ZNF292: variants seen among roughly 807,000 people sequenced by gnomAD.
ZNF292 encodes 16 zinc-finger domain protein.
A neutral mutation model predicts 217.9 loss-of-function variants in ZNF292; 26 were observed. That is an observed-to-expected ratio of 0.12 (90% CI 0.09 to 0.17). The LOEUF (loss-of-function observed/expected upper bound fraction) is 0.17, where lower values mean the gene tolerates loss of function less well. ZNF292 is among the 10% of genes least tolerant of loss of function. ZNF292 has a pLI of 1.00. For synonymous variants in ZNF292, 1,257 were observed against 1,124.1 expected (o/e 1.12, Z -2.37); for missense variants, 2,904 against 3,175.2 (o/e 0.91, Z 2.05).
At chr6:87,171,761 T>G (rs1771106883) in intron 1 of ZNF292, among the ~76,000 whole-genome samples, 1 of 152,188 alleles carries the variant, frequency 6.6e-6, no homozygotes. Context: ...GGCTGTATAC[T>G]CACATGAATC....
chr6:87,174,682 G>A (rs991840590), intron 1 of ZNF292, among the ~76,000 whole-genome samples: 2 of 152,040 alleles, frequency 1.3e-5, no homozygotes, highest in African/African-American at 4.8e-5. Context: ...AATTTTTAAA[G>A]ACTTACGCTG....
intron 1 of ZNF292, chr6:87,213,581 C>G (rs1772597481): frequency 6.5e-6 from 1 of 152,752 alleles, no homozygotes; most frequent in South Asian, 2.1e-4. Context: ...TGGTTAGAAA[C>G]AGGTAACTAA....
intron 1 of ZNF292, among the ~76,000 whole-genome samples, chr6:87,181,205 C>T (rs1771462691): frequency 6.6e-6 from 1 of 152,134 alleles, no homozygotes; most frequent in Non-Finnish European, 1.5e-5. Flanking sequence ...TCCCTAGCGT[C>T]CCGGATCACA....
intron 6 of ZNF292, 144 bp downstream of exon 6, chr6:87,243,755 C>A: frequency 1.3e-6 from 1 of 782,136 alleles, no homozygotes; most frequent in Non-Finnish European, 1.8e-6. Flanking sequence ...GCTGTGCAAA[C>A]TTATTATCGA....
chr6:87,239,887 G>C (rs796111866), intron 5 of ZNF292, among the ~76,000 whole-genome samples: 2 of 150,700 alleles, frequency 1.3e-5, no homozygotes, highest in African/African-American at 4.9e-5. Flanking sequence ...CGGGCAGAGA[G>C]GCTCCTCACA....
chr6:87,181,838 C>T (rs1463102787), intron 1 of ZNF292, among the ~76,000 whole-genome samples: 2 of 152,084 alleles, frequency 1.3e-5, no homozygotes, highest in Non-Finnish European at 2.9e-5. Context: ...CGCACCACCA[C>T]ACCCAGCTAA....
At chr6:87,155,891 A>G in intron 1 of ZNF292, 132 bp downstream of exon 1, 1 of 1,164,214 alleles carries the variant, frequency 8.6e-7, no homozygotes, top group Non-Finnish European at 1.2e-6. Context: ...TGGGAGCGGG[A>G]GTAGAAGGAA....
rs752380538 is a variant in ZNF292 at position 87,261,025 on chromosome 6, G to C, written c.7396G>C (p.Ala2466Pro). 2 of 1,603,880 alleles carry C rather than the reference G, an allele frequency of 1.2e-6. No individual in the cohort carries two copies. The highest frequency in any genetic ancestry group is 8.5e-7 in the Non-Finnish European group (1 of 1,174,598). ...GAGCAATGATAATTCAAGAACAACAGCTACAGTTTCACAAAAGGAAGTTGA... is the reference window on the plus strand; with the variant it reads ...GAGCAATGATAATTCAAGAACAACACCTACAGTTTCACAAAAGGAAGTTGA... ...SESNDNSRTT[A>P]TVSQKEVEKN... Residue 2466 changes from alanine (A) to proline (P), a missense_variant, in exon 8 of 8, where the codon GCT becomes CCT. Physicochemically the swap from Ala to Pro is conservative, Grantham distance 27. Around this residue, in one of 15 missense-constraint regions of ZNF292, gnomAD observed 380 missense variants for 355.3 expected, o/e 1.07. Transcript: ENST00000369577.
intron 4 of ZNF292, among the ~76,000 whole-genome samples, chr6:87,225,487 T>G (rs1271241537): frequency 3.3e-5 from 5 of 152,138 alleles, no homozygotes; most frequent in East Asian, 1.9e-4. Context: ...TCTAGAAATT[T>G]TATAGTTTCA....
chr6:87,244,160 T>C (rs1030468286), intron 6 of ZNF292, among the ~76,000 whole-genome samples: 1 of 152,168 alleles, frequency 6.6e-6, no homozygotes, highest in Non-Finnish European at 1.5e-5. Flanking sequence ...TTTATAAAAT[T>C]CCAACATTTA....
intron 5 of ZNF292, among the ~76,000 whole-genome samples, chr6:87,238,954 C>G (rs1774052002): frequency 6.6e-6 from 1 of 152,106 alleles, no homozygotes; most frequent in African/African-American, 2.4e-5. Context: ...TCCATTTAAC[C>G]CTGAGTGGAC....
At chr6:87,182,335 A>G (rs1487097614) in intron 1 of ZNF292, among the ~76,000 whole-genome samples, 5 of 152,214 alleles carry the variant, frequency 3.3e-5, no homozygotes, top group Admixed American at 6.5e-5. Flanking sequence ...GAACTTTTCA[A>G]TTCTATTACT....
intron 5 of ZNF292, among the ~76,000 whole-genome samples, chr6:87,237,273 G>A (rs1269838622): frequency 6.6e-6 from 1 of 152,080 alleles, no homozygotes; most frequent in African/African-American, 2.4e-5. Flanking sequence ...GACAGAGTAA[G>A]CTTGCTCTGT....
chr6:87,194,405 A>T (rs1771901074), intron 1 of ZNF292, among the ~76,000 whole-genome samples: 1 of 152,166 alleles, frequency 6.6e-6, no homozygotes, highest in Non-Finnish European at 1.5e-5. Context: ...AAATAGAATT[A>T]AAAATAAATG....
intron 7 of ZNF292, among the ~76,000 whole-genome samples, chr6:87,246,633 G>A (rs756993707): frequency 6.6e-6 from 1 of 152,246 alleles, no homozygotes; most frequent in Non-Finnish European, 1.5e-5. Context: ...GGGAGGCCAA[G>A]GTGGGCGGAT....
chr6:87,159,351 G>A (rs368244735), intron 1 of ZNF292, among the ~76,000 whole-genome samples: 4 of 151,808 alleles, frequency 2.6e-5, no homozygotes, highest in African/African-American at 7.3e-5. Flanking sequence ...TAGAGCGCCC[G>A]TCATAAATTT....
chr6:87,259,606 C>G lies in ZNF292; in HGVS notation c.5977C>G (p.Gln1993Glu). Residue 1993 changes from glutamine to glutamate, a missense_variant, in exon 8 of 8, where the codon CAG (glutamine) becomes GAG (glutamate). By Grantham distance (29) the Gln-to-Glu change is conservative (BLOSUM62 2). Transcript: ENST00000369577. The part of the protein sequence containing the change: ...KIKRPYGRKS[Q>E]SENVPASRST... The stretch of plus-strand genomic sequence containing the variant: ...TAAAAGGCCTTATGGAAGAAAATCT[C>G]AGAGTGAAAATGTGCCGGCCTCACG... The G allele has an allele frequency of 6.3e-7, 1 of 1,579,148 alleles. No homozygotes were observed. Among genetic ancestry groups the G allele is most frequent in the Non-Finnish European group, 8.6e-7 (1 of 1,161,746 alleles).
intron 4 of ZNF292, among the ~76,000 whole-genome samples, chr6:87,225,256 A>G (rs1241421614): frequency 6.6e-6 from 1 of 152,118 alleles, no homozygotes; most frequent in Non-Finnish European, 1.5e-5. Context: ...TATTTTGGGT[A>G]CAAGTTCTTT....
chr6:87,236,674 T>A (rs931839536), intron 5 of ZNF292, among the ~76,000 whole-genome samples: 4 of 152,176 alleles, frequency 2.6e-5, no homozygotes, highest in Non-Finnish European at 5.9e-5. Context: ...ACTAGGTAAT[T>A]ATTATTAAGA....
Sources: gnomAD v4.1 joint callset for allele counts (sites outside exome capture counted in the v4.1 genomes callset) on GRCh38, gnomAD v4.1.1 for gene constraint, gnomAD v4.1.1 regional missense constraint, MANE v1.5 for transcripts, NCBI Gene and HGNC (gene_info 2026-07-23, HGNC 2026-07-21) for gene names.